Variants in FOXP2 observed in about 807,000 individuals in gnomAD.
FOXP2 encodes the protein forkhead box protein P2.
A neutral mutation model predicts 115.8 loss-of-function variants in FOXP2; 12 were observed. The observed-to-expected ratio is 0.10, with a 90% CI of 0.07 to 0.17. The LOEUF (loss-of-function observed/expected upper bound fraction) is 0.17. Ranked by LOEUF, FOXP2 falls within the 10% of genes least tolerant of loss-of-function variation. The pLI is 1.00. For synonymous variants in FOXP2, 328 were observed against 297.7 expected, an observed-to-expected ratio of 1.10 and a Z score of -1.05; for missense variants, 629 against 843.5, an observed-to-expected ratio of 0.75 and a Z score of 3.15.
chr7:114,093,464 A>C (rs927568591), intron 1 of FOXP2, among the ~76,000 whole-genome samples: 3 of 152,144 alleles, frequency 2.0e-5, no homozygotes, highest in Non-Finnish European at 4.4e-5. Flanking sequence ...CCATGGAGCC[A>C]GGGATTTTGT....
At chr7:114,503,165 G>A (rs1187930387) in intron 2 of FOXP2, among the ~76,000 whole-genome samples, 2 of 151,824 alleles carry the variant, frequency 1.3e-5, no homozygotes, top group Admixed American at 6.6e-5. Context: ...TTCTCCTCAA[G>A]CAAAATATAT....
At chr7:114,478,171 G>A (rs907026998) in intron 2 of FOXP2, among the ~76,000 whole-genome samples, 2 of 151,824 alleles carry the variant, frequency 1.3e-5, no homozygotes, top group Non-Finnish European at 2.9e-5. Flanking sequence ...TATAGTAAAA[G>A]AGACTGAGTA....
chr7:114,346,998 C>A (rs867806377), intron 2 of FOXP2, among the ~76,000 whole-genome samples: 18 of 151,442 alleles, frequency 1.2e-4, no homozygotes, highest in Non-Finnish European at 2.4e-4. Flanking sequence ...AGCCCATAAA[C>A]GTAGAATTAC....
At chr7:114,122,554 G>A (rs1461153498) in intron 1 of FOXP2, among the ~76,000 whole-genome samples, 1 of 151,622 alleles carries the variant, frequency 6.6e-6, no homozygotes, top group Non-Finnish European at 1.5e-5. Flanking sequence ...CTGTTCAGCT[G>A]ATCTTTATTT....
chr7:114,472,954 T>C (rs1255845467), intron 2 of FOXP2, among the ~76,000 whole-genome samples: 1 of 152,090 alleles, frequency 6.6e-6, no homozygotes, highest in African/African-American at 2.4e-5. Flanking sequence ...AATACAGTGG[T>C]AAACAAATAA....
rs150819505 is a variant in FOXP2 at position 114,663,389 on chromosome 7, T to G, written c.1770-61T>G. On this transcript the variant is annotated intron_variant, in intron 14 of 16. Coordinates refer to ENST00000350908, the MANE Select transcript of FOXP2 (RefSeq NM_014491.4). ...CAGAACATACCTTTATAGCTGAGAC[T>G]ATTGATATCCACGTTTTATATTTTG... The G allele has an allele frequency of 3.6e-4, 437 of 1,207,082 alleles. 3 individuals are homozygous for G. In the African/African-American group the frequency reaches 6.0e-3, roughly 16 times the overall value. The allele number at this position is 1,207,082 out of a possible 1,614,324, so 74.8% of individuals were successfully genotyped here.
chr7:114,423,373 A>C (rs750655724), intron 1 of FOXP2, among the ~76,000 whole-genome samples: 42 of 151,818 alleles, frequency 2.8e-4, no homozygotes, highest in Admixed American at 5.9e-4. Context: ...TTGCTTAAAA[A>C]AGAAGAAAGA....
At chr7:114,429,811 T>C (rs1794024185) in intron 2 of FOXP2, among the ~76,000 whole-genome samples, 1 of 151,646 alleles carries the variant, frequency 6.6e-6, no homozygotes, top group African/African-American at 2.4e-5. Flanking sequence ...TGAATAACCA[T>C]TTAAAAGCTA....
At chr7:114,536,658 T>C (rs1164287620) in intron 3 of FOXP2, among the ~76,000 whole-genome samples, 1 of 151,488 alleles carries the variant, frequency 6.6e-6, no homozygotes, top group African/African-American at 2.4e-5. Context: ...TTGCTGACCA[T>C]GACTACAAAG....
At chr7:114,252,474 G>A (rs1217589519) in intron 1 of FOXP2, among the ~76,000 whole-genome samples, 1 of 152,148 alleles carries the variant, frequency 6.6e-6, no homozygotes, top group Non-Finnish European at 1.5e-5. Context: ...TTCAGTGCCT[G>A]TTATTGGTCT....
At chr7:114,587,880 A>ATATATATATATAT (rs1190124247) in intron 3 of FOXP2, among the ~76,000 whole-genome samples, 34 of 61,410 alleles carry the variant, frequency 5.5e-4, no homozygotes, top group East Asian at 3.0e-3. Context: ...GAGATAATTA[A>ATATATATATATAT]ATCCACCTTT....
At chr7:114,463,423 A>G (rs1051539460) in intron 2 of FOXP2, among the ~76,000 whole-genome samples, 8 of 152,234 alleles carry the variant, frequency 5.3e-5, no homozygotes, top group African/African-American at 1.2e-4. Flanking sequence ...AAAGTGGCCA[A>G]TGTCACTGAG....
At chr7:114,632,432 TG>T (rs1804971713) in intron 6 of FOXP2, among the ~76,000 whole-genome samples, 1 of 152,206 alleles carries the variant, frequency 6.6e-6, no homozygotes, top group Non-Finnish European at 1.5e-5. Context: ...AACAAATGAC[TG>T]TGTGCTAAAA....
intron 1 of FOXP2, among the ~76,000 whole-genome samples, chr7:114,184,836 A>G (rs2129155936): frequency 6.6e-6 from 1 of 152,332 alleles, no homozygotes; most frequent in South Asian, 2.1e-4. Flanking sequence ...TTTCATAAGT[A>G]GATGACCTTA....
intron 1 of FOXP2, among the ~76,000 whole-genome samples, chr7:114,173,111 T>C (rs928739858): frequency 6.6e-6 from 1 of 151,980 alleles, no homozygotes; most frequent in Non-Finnish European, 1.5e-5. Context: ...CTCATCTTTA[T>C]TGAATTGTTC....
At chr7:114,578,515 C>A (rs1310010836) in intron 3 of FOXP2, among the ~76,000 whole-genome samples, 1 of 152,050 alleles carries the variant, frequency 6.6e-6, no homozygotes, top group Non-Finnish European at 1.5e-5. Flanking sequence ...GAGGGAGCTA[C>A]TGATGATCTG....
chr7:114,354,768 T>C (rs1439680182), intron 2 of FOXP2, among the ~76,000 whole-genome samples: 1 of 152,200 alleles, frequency 6.6e-6, no homozygotes, highest in African/African-American at 2.4e-5. Context: ...TTTTAATCTG[T>C]TAAAAGTTTT....
chr7:114,252,938 A>T (rs994123970), intron 1 of FOXP2, among the ~76,000 whole-genome samples: 1 of 152,136 alleles, frequency 6.6e-6, no homozygotes, highest in African/African-American at 2.4e-5. Flanking sequence ...TTAGTGCTAT[A>T]AATTTCCCTC....
intron 3 of FOXP2, among the ~76,000 whole-genome samples, chr7:114,537,176 C>A (rs1490487440): frequency 1.3e-5 from 2 of 151,442 alleles, no homozygotes; most frequent in Non-Finnish European, 3.0e-5. Flanking sequence ...TTATATAATT[C>A]TCTCAAAATT....
Sources: gnomAD v4.1 joint callset for allele counts (sites outside exome capture counted in the v4.1 genomes callset) on GRCh38, gnomAD v4.1.1 for gene constraint, MANE v1.5 for transcripts, NCBI Gene and HGNC (gene_info 2026-07-23, HGNC 2026-07-21) for gene names.